C4orf51: variants seen among roughly 807,000 people sequenced by gnomAD.
C4orf51 encodes the protein uncharacterized protein C4orf51.
Under a neutral mutation model 25.2 loss-of-function variants are expected in C4orf51, and 25 were observed. That is an observed-to-expected ratio of 0.99 (90% CI 0.72 to 1.39). The LOEUF (loss-of-function observed/expected upper bound fraction) is 1.39, where lower values mean the gene tolerates loss of function less well. Among genes scored for constraint, C4orf51 ranks in the 40% most tolerant of loss-of-function variants. The probability of loss-of-function intolerance (pLI) is 0.00; values close to 1 mark genes in which losing one functional copy is unlikely to be tolerated. For synonymous variants in C4orf51, 100 were observed against 84.5 expected, an observed-to-expected ratio of 1.18 and a Z score of -1.01; for missense variants, 252 against 239.6, an observed-to-expected ratio of 1.05 and a Z score of -0.34.
At chr4:145,756,788 G>GA (rs1185368145), downstream of C4orf51, among the ~76,000 whole-genome samples, 2 of 152,254 alleles carry the variant, frequency 1.3e-5, no homozygotes, top group Middle Eastern at 3.4e-3. Flanking sequence ...GCTATTGGAT[G>GA]AAAAAATAAA....
downstream of C4orf51, among the ~76,000 whole-genome samples, chr4:145,737,203 GA>G (rs1560859145): frequency 1.3e-5 from 2 of 152,086 alleles, no homozygotes; most frequent in Non-Finnish European, 2.9e-5. Context: ...TACATGGCAA[GA>G]AATATCTTAC....
intron 2 of C4orf51, among the ~76,000 whole-genome samples, chr4:145,705,231 T>A (rs1419525985): frequency 6.6e-6 from 1 of 152,234 alleles, no homozygotes; most frequent in Non-Finnish European, 1.5e-5. Flanking sequence ...TTCATCAAAC[T>A]CCTGAGATCT....
intron 2 of C4orf51, among the ~76,000 whole-genome samples, chr4:145,711,108 T>C (rs1333148037): frequency 6.6e-6 from 1 of 152,174 alleles, no homozygotes; most frequent in Non-Finnish European, 1.5e-5. Context: ...TGTCTACAAA[T>C]GTAATCATTT....
intron 1 of C4orf51, among the ~76,000 whole-genome samples, chr4:145,749,063 G>GTATATATATATATATATATATA (rs142948635): frequency 7.1e-6 from 1 of 139,998 alleles, no homozygotes; most frequent in Non-Finnish European, 1.6e-5. Flanking sequence ...GTGTGTGTGT[G>GTATATATATATATATATATATA]TGTATATATA....
intron 1 of C4orf51, among the ~76,000 whole-genome samples, chr4:145,751,461 G>C (rs562022874): frequency 3.5e-4 from 53 of 152,234 alleles, no homozygotes; most frequent in African/African-American, 1.2e-3. Flanking sequence ...AAATACTTTT[G>C]TCTTCTTCCC....
At chr4:145,683,407 A>G (rs1728951827) in intron 1 of C4orf51, among the ~76,000 whole-genome samples, 1 of 152,200 alleles carries the variant, frequency 6.6e-6, no homozygotes, top group South Asian at 2.1e-4. Flanking sequence ...AACTAATTCT[A>G]AAGTTTATAT....
intron 1 of C4orf51, among the ~76,000 whole-genome samples, chr4:145,744,175 A>T (rs187910224): frequency 4.6e-5 from 7 of 151,726 alleles, no homozygotes; most frequent in Admixed American, 4.6e-4. Flanking sequence ...GACATTGATC[A>T]TGGTTAGCGT....
chr4:145,718,247 A>G (rs1731523399), intron 2 of C4orf51, among the ~76,000 whole-genome samples: 1 of 152,248 alleles, frequency 6.6e-6, no homozygotes, highest in Non-Finnish European at 1.5e-5. Context: ...AAGTCCAGAT[A>G]TGAAAACGTG....
At chr4:145,750,608 G>A (rs185639895) in intron 1 of C4orf51, among the ~76,000 whole-genome samples, 191 of 152,032 alleles carry the variant, frequency 1.3e-3, no homozygotes, top group Non-Finnish European at 1.8e-3. Context: ...TTTTAAATGC[G>A]TTGAGGTAGT....
At chr4:145,781,195 CAAAAAAAAAAAAAAAA>C in the C4orf51 span, among the ~76,000 whole-genome samples, 3 of 56,546 alleles carry the variant, frequency 5.3e-5, no homozygotes, top group African/African-American at 1.6e-4. Context: ...GACACCATCT[CAAAAAAAAAAAAAAAA>C]AAAAAAGAAA....
chr4:145,734,719 T>C (rs1234719637), downstream of C4orf51, among the ~76,000 whole-genome samples: 1 of 152,230 alleles, frequency 6.6e-6, no homozygotes, highest in Non-Finnish European at 1.5e-5. Context: ...AGGAATGTGC[T>C]GAGTTTTATG....
intron 1 of C4orf51, chr4:145,760,933 G>C: frequency 1.6e-6 from 2 of 1,232,084 alleles, no homozygotes; most frequent in Non-Finnish European, 2.1e-6. Context: ...AATGAGATGG[G>C]CAAAATCTGA....
chr4:145,729,937 G>T lies in C4orf51; in HGVS notation c.473G>T (p.Ser158Ile), dbSNP rs753095491. The change falls in exon 5 of 6, where the codon AGT (serine) becomes ATT (isoleucine). Residue 158 changes from serine to isoleucine, a missense_variant. Transcript: ENST00000438731. ...KPAQEALINY[S>I]RRGKGVLKHL... is the part of the protein sequence containing the mutation. ...GCACAGGAGGCCCTGATAAACTACAGTCGACGAGGGAAAGGTGTCCTAAAG... is the reference window on the plus strand; with the variant it reads ...GCACAGGAGGCCCTGATAAACTACATTCGACGAGGGAAAGGTGTCCTAAAG... The T allele has an allele frequency of 6.2e-7, 1 of 1,613,936 alleles. No individual in the cohort carries two copies. The highest frequency in any genetic ancestry group is 8.5e-7 in the Non-Finnish European group (1 of 1,179,848).
Position 145,702,891 on chromosome 4 carries a change from T to C in C4orf51, c.307+6259T>C, listed in dbSNP as rs867555422. 3.2e-4 allele frequency among the ~76,000 whole-genome samples: 48 copies of C among 151,812 alleles called. No homozygotes were observed. In the South Asian group the frequency reaches 3.6e-3, roughly 11 times the overall value. On this transcript the variant is annotated intron_variant, in intron 2 of 5. Transcript: ENST00000438731. Reference sequence around the variant, plus strand: ...CTTACCACAAGACCTCCCTTCAGCTTAATCTCTCCCACTCTAGGTTCCCAC... The same window carrying C: ...CTTACCACAAGACCTCCCTTCAGCTCAATCTCTCCCACTCTAGGTTCCCAC...
intron 2 of C4orf51, among the ~76,000 whole-genome samples, chr4:145,716,795 A>G (rs1731440466): frequency 6.6e-6 from 1 of 152,194 alleles, no homozygotes; most frequent in Non-Finnish European, 1.5e-5. Flanking sequence ...TAGCTTTCCT[A>G]GTAAAATTTG....
intron 2 of C4orf51, among the ~76,000 whole-genome samples, chr4:145,708,809 C>A (rs1290586138): frequency 3.9e-5 from 6 of 152,342 alleles, no homozygotes; most frequent in African/African-American, 1.4e-4. Context: ...TCTCCATGAA[C>A]TCATAGTGAC....
chr4:145,732,353 AATG>A, intron 5 of C4orf51, 97 bp from the exon 6 acceptor site: 2 of 695,754 alleles, frequency 2.9e-6, no homozygotes, highest in Non-Finnish European at 5.1e-6. Context: ...CCTGCTCATG[AATG>A]ATGTCTGGTT....
At chr4:145,728,349 A>C (rs1436719949) in intron 3 of C4orf51, among the ~76,000 whole-genome samples, 1 of 152,064 alleles carries the variant, frequency 6.6e-6, no homozygotes, top group Non-Finnish European at 1.5e-5. Flanking sequence ...AACTTGACAG[A>C]TGAAGATAGT....
intron 2 of C4orf51, among the ~76,000 whole-genome samples, chr4:145,712,754 C>T (rs1560839664): frequency 6.6e-6 from 1 of 152,202 alleles, no homozygotes; most frequent in African/African-American, 2.4e-5. Context: ...ATATATTTTC[C>T]ATGTAGACAA....
Sources: allele counts gnomAD v4.1 joint callset (sites outside exome capture counted in the v4.1 genomes callset), GRCh38; gene constraint gnomAD v4.1.1; transcripts MANE v1.5; gene names NCBI Gene and HGNC (gene_info 2026-07-23, HGNC 2026-07-21).